MEI4: variants seen among roughly 807,000 people sequenced by gnomAD.
MEI4 encodes meiotic double-stranded break formation protein 4, also known as meiosis-specific protein MEI4.
A neutral mutation model predicts 31.4 loss-of-function variants in MEI4; 27 were observed. The ratio of observed to expected loss-of-function variants is 0.86; its 90% confidence interval spans 0.63 to 1.19. The LOEUF (loss-of-function observed/expected upper bound fraction) is 1.19. Among genes scored for constraint, MEI4 ranks in the 50% most tolerant of loss-of-function variants. The pLI, the probability that MEI4 is intolerant of heterozygous loss-of-function variation, is 0.00. For missense variants in MEI4, 329 were observed against 398.9 expected, an observed-to-expected ratio of 0.82 and a Z score of 1.49; for synonymous variants, 122 against 145.4, an observed-to-expected ratio of 0.84 and a Z score of 1.16.
At chr6:77,774,845 T>G (rs1582128742) in intron 3 of MEI4, among the ~76,000 whole-genome samples, 1 of 151,962 alleles carries the variant, frequency 6.6e-6, no homozygotes, top group Non-Finnish European at 1.5e-5. Context: ...CTGTAACAAA[T>G]TACCACAAAC....
rs1766403840 is a variant in MEI4 at position 77,910,335 on chromosome 6, A to G, written c.901-12754A>G. Among the ~76,000 whole-genome samples, 3 of 152,334 alleles carry G rather than the reference A, an allele frequency of 2.0e-5. No individual in the cohort carries two copies. In the South Asian group the frequency reaches 6.2e-4, roughly 32 times the overall value. On this transcript the variant is annotated intron_variant, in intron 4 of 4. Coordinates refer to ENST00000684080, the MANE Select transcript of MEI4 (RefSeq NM_001322247.2). ...CATTGTCTCAGCCCAAAATCTTCTT[A>G]AGCTGATAGGCAACTTCAGCAAAGT... is the stretch of plus-strand genomic sequence containing the variant.
In MEI4 at chr6:77,693,570, T is replaced by C. The variant is rs569845659; in HGVS notation, c.232+2667T>C. On this transcript the variant is annotated intron_variant, in intron 2 of 4. Coordinates refer to ENST00000684080, the MANE Select transcript of MEI4 (RefSeq NM_001322247.2). Reference sequence around the variant, plus strand: ...AAGTCAGTTTTACTCACAGCAGGAGTTGCAGGTACAATGTTTCTGCACAGA... The same window carrying C: ...AAGTCAGTTTTACTCACAGCAGGAGCTGCAGGTACAATGTTTCTGCACAGA... Among the ~76,000 whole-genome samples, 14 of 152,064 alleles carry C rather than the reference T, an allele frequency of 9.2e-5. No homozygotes were observed. The East Asian group carries it at 1.4e-3, about 15-fold the overall frequency.
chr6:77,805,328 G>A (rs1170606676), intron 3 of MEI4, among the ~76,000 whole-genome samples: 1 of 151,996 alleles, frequency 6.6e-6, no homozygotes, highest in Non-Finnish European at 1.5e-5. Flanking sequence ...CTTATTCAAG[G>A]TGACTCATTA....
chr6:77,852,553 A>G (rs907118328), intron 4 of MEI4, among the ~76,000 whole-genome samples: 4 of 146,112 alleles, frequency 2.7e-5, no homozygotes, highest in Non-Finnish European at 6.0e-5. Context: ...TTGCTTTTTT[A>G]CTTTTTTTGT....
chr6:77,832,842 A>G (rs1222489381), intron 4 of MEI4, among the ~76,000 whole-genome samples: 1 of 152,122 alleles, frequency 6.6e-6, no homozygotes, highest in Non-Finnish European at 1.5e-5. Context: ...TGCAACTGGT[A>G]TGTGTGTTGT....
rs1766798753 is a variant in MEI4 at position 77,924,488 on chromosome 6, A to G, written c.*1142A>G. On this transcript the variant is annotated 3_prime_UTR_variant, in exon 5 of 5. Transcript: ENST00000684080. ...ACAGATAGATAATCAATCACAAAAT[A>G]TCTATCAGTGGCATACAACAATAAT... 6.6e-6 allele frequency: 1 copy of G among 151,684 alleles called. No individual in the cohort carries two copies. Among genetic ancestry groups the G allele is most frequent in the African/African-American group, 2.4e-5 (1 of 41,288 alleles). 9.4% of individuals were successfully genotyped at this position (151,684 alleles called of 1,614,324 possible). A position where few individuals can be genotyped will look rare whatever the true frequency, so the allele number is the denominator to read the frequency against.
At chr6:77,762,801 G>A (rs1397653829) in intron 3 of MEI4, among the ~76,000 whole-genome samples, 1 of 152,132 alleles carries the variant, frequency 6.6e-6, no homozygotes, top group African/African-American at 2.4e-5. Context: ...TGAATTTTCT[G>A]TCTGGAAAAT....
At chr6:77,835,407 T>TA (rs1298674478) in intron 4 of MEI4, among the ~76,000 whole-genome samples, 1,475 of 75,918 alleles carry the variant, frequency 0.019, 32 homozygotes, top group African/African-American at 0.043. Context: ...CACACACAAA[T>TA]AAAAAAAAAA....
intron 4 of MEI4, among the ~76,000 whole-genome samples, chr6:77,914,034 G>GAAAAA (rs59888300): frequency 5.0e-5 from 7 of 139,084 alleles, no homozygotes; most frequent in African/African-American, 7.9e-5. Context: ...ACTGTTTCAA[G>GAAAAA]AAAAAAAAAA....
chr6:77,657,765 C>T (rs1383977094), intron 1 of MEI4, among the ~76,000 whole-genome samples: 1 of 152,186 alleles, frequency 6.6e-6, no homozygotes, highest in African/African-American at 2.4e-5. Context: ...TGCATTCTTC[C>T]ATGAACACCT....
At chr6:77,850,443 G>T (rs1405765068) in intron 4 of MEI4, among the ~76,000 whole-genome samples, 6 of 152,094 alleles carry the variant, frequency 3.9e-5, no homozygotes, top group Non-Finnish European at 8.8e-5. Context: ...CAGAGATAGA[G>T]ACCAATGGAA....
chr6:77,828,867 T>C, intron 3 of MEI4, 64 bp from the exon 4 acceptor site: 1 of 1,174,154 alleles, frequency 8.5e-7, no homozygotes, highest in Non-Finnish European at 1.1e-6. Context: ...AGTAGTAAGG[T>C]CTTAGAAAAT....
chr6:77,883,744 A>ATATATATATATATATAT (rs1491236242), intron 4 of MEI4, among the ~76,000 whole-genome samples: 67 of 124,866 alleles, frequency 5.4e-4, no homozygotes, highest in East Asian at 1.0e-3. Flanking sequence ...ATATATATAT[A>ATATATATATATATATAT]ACTTTGTCTT....
In MEI4 at chr6:77,818,328, A is replaced by C. The variant is rs186493441; in HGVS notation, c.769-10603A>C. On this transcript the variant is annotated intron_variant, in intron 3 of 4. Coordinates refer to ENST00000684080, the MANE Select transcript of MEI4 (RefSeq NM_001322247.2). ...GCCCTATTTTGCATATCTTTTTATA[A>C]GGTAAAAAAAGTGTGTCCCATTAGA... is the stretch of plus-strand genomic sequence containing the variant. Among the ~76,000 whole-genome samples, 690 of 152,254 alleles carry C rather than the reference A, an allele frequency of 4.5e-3. 5 individuals are homozygous for C. Among genetic ancestry groups the C allele is most frequent in the African/African-American group, 0.016 (675 of 41,552 alleles).
Position 77,659,386 on chromosome 6 carries a change from T to TG in MEI4, c.-15+6296dup, listed in dbSNP as rs539654235. Among the ~76,000 whole-genome samples the TG allele has an allele frequency of 5.7e-3, 868 of 152,072 alleles. 4 individuals are homozygous for TG. The highest frequency in any genetic ancestry group is 0.02 in the African/African-American group (813 of 41,474). On this transcript the variant is annotated intron_variant, in intron 1 of 4. Coordinates refer to ENST00000684080, the MANE Select transcript of MEI4 (RefSeq NM_001322247.2). ...GAAGAGACCTTGTGTGAGGCAAAAC[T>TG]GGAGATGTAAAGTAAAAAGATGAGG...
intron 1 of MEI4, among the ~76,000 whole-genome samples, chr6:77,662,569 G>A (rs891498967): frequency 1.3e-5 from 2 of 152,166 alleles, no homozygotes; most frequent in Non-Finnish European, 2.9e-5. Flanking sequence ...TATGAGAGCT[G>A]TAGAGAGTGA....
chr6:77,847,956 C>T lies in MEI4; in HGVS notation c.900+18894C>T, dbSNP rs752303785. Among the ~76,000 whole-genome samples the T allele has an allele frequency of 7.2e-5, 11 of 152,186 alleles. No individual in the cohort carries two copies. Among genetic ancestry groups the T allele is most frequent in the South Asian group, 2.1e-4 (1 of 4,830 alleles). ...AGGAAAAAAGGAAAGGAAAGAACGT[C>T]GGAATATTTATCTCCTCTTCACTTT... On this transcript the variant is annotated intron_variant, in intron 4 of 4. Transcript: ENST00000684080. This position sits in a 1 kb window ranked among gnomAD's most constrained non-coding sequence, Gnocchi z 4.6.
chr6:77,896,836 C>T (rs1434208165), intron 4 of MEI4, among the ~76,000 whole-genome samples: 1 of 151,954 alleles, frequency 6.6e-6, no homozygotes, highest in Non-Finnish European at 1.5e-5. Context: ...GAAATGCCTT[C>T]AATAATTCAC....
intron 4 of MEI4, among the ~76,000 whole-genome samples, chr6:77,919,254 C>T (rs1349068847): frequency 6.6e-6 from 1 of 152,010 alleles, no homozygotes; most frequent in Non-Finnish European, 1.5e-5. Context: ...GGAAGTAAAG[C>T]TCTCCTCAGC....
Sources: gnomAD v4.1 joint callset for allele counts (sites outside exome capture counted in the v4.1 genomes callset) on GRCh38, gnomAD v4.1.1 for gene constraint, Gnocchi (gnomAD v3.1) non-coding constraint, MANE v1.5 for transcripts, NCBI Gene and HGNC (gene_info 2026-07-23, HGNC 2026-07-21) for gene names.